SYT1: variants seen among roughly 807,000 people sequenced by gnomAD.
SYT1 encodes the protein synaptotagmin 1.
SYT1 carries 8 observed loss-of-function variants against 44.8 expected under a neutral mutation model. That is an observed-to-expected ratio of 0.18 (90% CI 0.10 to 0.32). The LOEUF is 0.32. Among genes scored for constraint, SYT1 ranks in the 10% least tolerant of loss-of-function variants. The pLI, the probability that SYT1 is intolerant of heterozygous loss-of-function variation, is 1.00. For missense variants in SYT1, 286 were observed against 509.3 expected, an observed-to-expected ratio of 0.56 and a Z score of 4.22; for synonymous variants, 154 against 188.8, an observed-to-expected ratio of 0.82 and a Z score of 1.51.
At chr12:79,352,611 T>G (rs998485301) in intron 8 of SYT1, among the ~76,000 whole-genome samples, 3 of 152,176 alleles carry the variant, frequency 2.0e-5, no homozygotes, top group African/African-American at 7.2e-5. Context: ...CAAATTCTAC[T>G]TATGTTGAAC....
At chr12:78,955,225 A>G (rs1879147227) in intron 1 of SYT1, among the ~76,000 whole-genome samples, 1 of 152,120 alleles carries the variant, frequency 6.6e-6, no homozygotes. Flanking sequence ...TGATATCTGA[A>G]TGATCAACTG....
intron 3 of SYT1, among the ~76,000 whole-genome samples, chr12:79,065,979 T>C (rs911897662): frequency 1.3e-5 from 2 of 152,040 alleles, no homozygotes; most frequent in East Asian, 1.9e-4. Flanking sequence ...ATTCACAAGA[T>C]GGGAAAAAGA....
At chr12:79,262,879 A>C (rs1245842) in intron 4 of SYT1, among the ~76,000 whole-genome samples, 1 of 152,022 alleles carries the variant, frequency 6.6e-6, no homozygotes, top group Non-Finnish European at 1.5e-5. Flanking sequence ...CTACAAAACA[A>C]ATAGGCAAAA....
intron 3 of SYT1, among the ~76,000 whole-genome samples, chr12:79,117,423 A>T (rs1037272971): frequency 6.6e-5 from 10 of 151,722 alleles, no homozygotes; most frequent in Non-Finnish European, 4.4e-5. Flanking sequence ...CCAACTCCAC[A>T]GTGGATGACT....
At position 79,241,346 on chromosome 12, in the gene SYT1, C is replaced by T. The variant is rs546248174; in HGVS notation, c.166+23661C>T. ...AGTGCAGTGGCACGATCTCGGCTCA[C>T]TGCAACCTCCACCTTCCGGATTCAC... On this transcript the variant is annotated intron_variant, in intron 4 of 10. Transcript: ENST00000261205. 5.2e-3 allele frequency among the ~76,000 whole-genome samples: 796 copies of T among 152,160 alleles called. 2 individuals are homozygous for T. Among genetic ancestry groups the T allele is most frequent in the Non-Finnish European group, 7.1e-3 (484 of 68,026 alleles).
intron 3 of SYT1, among the ~76,000 whole-genome samples, chr12:79,101,390 G>T (rs1055063376): frequency 5.3e-5 from 8 of 152,164 alleles, no homozygotes; most frequent in African/African-American, 1.9e-4. Flanking sequence ...AACAAATATT[G>T]TATGATTTCA....
chr12:79,024,291 T>G (rs1872384141), intron 2 of SYT1, among the ~76,000 whole-genome samples: 1 of 151,550 alleles, frequency 6.6e-6, no homozygotes, highest in African/African-American at 2.4e-5. Flanking sequence ...CGAGGATGGG[T>G]TGGAGAGCAC....
intron 3 of SYT1, among the ~76,000 whole-genome samples, chr12:79,163,007 G>T (rs1871042025): frequency 6.6e-6 from 1 of 152,014 alleles, no homozygotes; most frequent in South Asian, 2.1e-4. Flanking sequence ...ATTTTAAAAG[G>T]TTCAAATCAG....
intron 3 of SYT1, among the ~76,000 whole-genome samples, chr12:79,107,831 C>G (rs574345021): frequency 1.1e-4 from 17 of 151,622 alleles, no homozygotes; most frequent in South Asian, 8.3e-4. Flanking sequence ...TAAAACATAC[C>G]CAGAAACAAT....
At chr12:79,438,998 T>C (rs1307289442) in intron 9 of SYT1, among the ~76,000 whole-genome samples, 2 of 152,136 alleles carry the variant, frequency 1.3e-5, no homozygotes, top group Admixed American at 6.6e-5. Context: ...GGAAGAGGTA[T>C]GGATATTACC....
At chr12:79,190,081 A>G (rs576946729) in intron 3 of SYT1, among the ~76,000 whole-genome samples, 12 of 152,304 alleles carry the variant, frequency 7.9e-5, no homozygotes, top group African/African-American at 1.4e-4. Context: ...TGACTAATGC[A>G]TAATTAACTG....
At position 79,314,062 on chromosome 12, in the gene SYT1, G is replaced by A. The variant is rs374604014; in HGVS notation, c.810+14511G>A. 3.7e-3 allele frequency among the ~76,000 whole-genome samples: 552 copies of A among 150,096 alleles called. 15 individuals are homozygous for A. The highest frequency in any genetic ancestry group is 0.013 in the African/African-American group (536 of 40,306). ...CGGGCGCCTGTAGTCCCAGCTACTC[G>A]GGAGGCTGAGGCAGGAGAATGGCGT... On this transcript the variant is annotated intron_variant, in intron 8 of 10. Coordinates refer to ENST00000261205, the MANE Select transcript of SYT1 (RefSeq NM_005639.3).
intron 9 of SYT1, chr12:79,392,798 C>CTTTTTTTTTTTT (rs755888075): frequency 5.9e-4 from 58 of 98,782 alleles, no homozygotes; most frequent in East Asian, 8.2e-4. Context: ...ATTTTTCTTT[C>CTTTTTTTTTTTT]TTTTTTTTTT....
intron 4 of SYT1, among the ~76,000 whole-genome samples, chr12:79,269,575 G>C (rs187219817): frequency 1.5e-4 from 23 of 152,176 alleles, no homozygotes; most frequent in Admixed American, 1.2e-3. Flanking sequence ...CTTTGGCCTT[G>C]GTGTGTCTTG....
intron 3 of SYT1, among the ~76,000 whole-genome samples, chr12:79,053,592 T>A (rs1305498057): frequency 6.7e-6 from 1 of 148,784 alleles, no homozygotes; most frequent in Non-Finnish European, 1.5e-5. Flanking sequence ...ATTAAAATTA[T>A]TTTATAATAT....
At chr12:79,356,149 G>C (rs1338711971) in intron 9 of SYT1, among the ~76,000 whole-genome samples, 1 of 145,034 alleles carries the variant, frequency 6.9e-6, no homozygotes, top group African/African-American at 2.8e-5. Context: ...TTCTGGGAGA[G>C]AGAACAGCCA....
intron 3 of SYT1, 40 bp from the exon 4 acceptor site, chr12:79,217,463 C>T (rs1384801977): frequency 6.1e-6 from 9 of 1,468,366 alleles, no homozygotes; most frequent in Non-Finnish European, 6.3e-6. Context: ...GCAGTTAAGC[C>T]ATTTTGAATT....
At chr12:79,334,920 G>A (rs982022861) in intron 8 of SYT1, among the ~76,000 whole-genome samples, 5 of 152,034 alleles carry the variant, frequency 3.3e-5, no homozygotes, top group African/African-American at 1.2e-4. Context: ...TATTAGGAGA[G>A]CCAGGAACAT....
chr12:79,007,530 G>A (rs1871171063), intron 2 of SYT1, among the ~76,000 whole-genome samples: 1 of 152,202 alleles, frequency 6.6e-6, no homozygotes, highest in East Asian at 1.9e-4. Context: ...TAACAGTACT[G>A]CAGGAACTTG....
Sources: gnomAD v4.1 joint callset for allele counts (sites outside exome capture counted in the v4.1 genomes callset) on GRCh38, gnomAD v4.1.1 for gene constraint, MANE v1.5 for transcripts, NCBI Gene and HGNC (gene_info 2026-07-23, HGNC 2026-07-21) for gene names.